Variants in SCRG1 observed in about 807,000 individuals in gnomAD.
SCRG1 encodes the protein stimulator of chondrogenesis 1.
Under a neutral mutation model 7.7 loss-of-function variants are expected in SCRG1, and 3 were observed. The ratio of observed to expected loss-of-function variants is 0.39; its 90% CI spans 0.18 to 1.01. SCRG1 has a LOEUF of 1.01. SCRG1 is among the 50% of genes least tolerant of loss of function. The probability of loss-of-function intolerance (pLI) is 0.36; values close to 1 mark genes in which losing one functional copy is unlikely to be tolerated. For synonymous variants in SCRG1, 46 were observed against 41.2 expected (o/e 1.12, Z -0.44); for missense variants, 110 against 117.2 (o/e 0.94, Z 0.28).
the SCRG1 span, among the ~76,000 whole-genome samples, chr4:173,484,463 C>CATATAATATATAATATATATTATATGT: frequency 2.4e-4 from 3 of 12,602 alleles, 1 homozygote; most frequent in Non-Finnish European, 4.5e-4. Context: ...ATATTATATA[C>CATATAATATATAATATATATTATATGT]ATATAATATA....
the SCRG1 span, among the ~76,000 whole-genome samples, chr4:173,458,871 A>G: frequency 6.6e-6 from 1 of 152,190 alleles, no homozygotes; most frequent in South Asian, 2.1e-4. Context: ...CAAGAAACTC[A>G]CTTCACTTAT....
At chr4:173,508,810 G>T in the SCRG1 span, among the ~76,000 whole-genome samples, 2 of 152,208 alleles carry the variant, frequency 1.3e-5, no homozygotes, top group African/African-American at 4.8e-5. This position sits in a 1 kb window ranked among gnomAD's most constrained non-coding sequence, Gnocchi z 4.4. Flanking sequence ...GAGCCTGTGG[G>T]AGAAGCACTC....
the SCRG1 span, among the ~76,000 whole-genome samples, chr4:173,475,436 G>A: frequency 6.6e-6 from 1 of 152,224 alleles, no homozygotes; most frequent in Admixed American, 6.5e-5. Context: ...GAGCACCCCT[G>A]TTAAAACTTA....
At chr4:173,476,361 A>ATATATATATATATATATATATATATATAT in the SCRG1 span, among the ~76,000 whole-genome samples, 21 of 51,402 alleles carry the variant, frequency 4.1e-4, 1 homozygote, top group African/African-American at 9.6e-4. Context: ...GGGGAAAAAA[A>ATATATATATATATATATATATATATATAT]AAATATATAT....
the SCRG1 span, among the ~76,000 whole-genome samples, chr4:173,517,992 T>C: frequency 6.6e-6 from 1 of 152,366 alleles, no homozygotes; most frequent in Admixed American, 6.5e-5. Flanking sequence ...GGCTCTTTTG[T>C]AAGCTTAACA....
At chr4:173,408,991 CAAAAAAAA>C (rs991902394), upstream of SCRG1, among the ~76,000 whole-genome samples, 15 of 51,264 alleles carry the variant, frequency 2.9e-4, no homozygotes, top group Non-Finnish European at 6.7e-4. Context: ...GACTCAGTCT[CAAAAAAAA>C]AAAAAAAAAA....
Position 173,384,914 on chromosome 4 carries a change from C to G in SCRG1, c.*3427G>C, listed in dbSNP as rs552942374. 204 of 152,196 alleles carry G rather than the reference C, an allele frequency of 1.3e-3. No individual in the cohort carries two copies. The highest frequency in any genetic ancestry group is 4.6e-3 in the African/African-American group (190 of 41,534). The allele number at this position is 152,196 out of a possible 1,614,324, so 9.4% of individuals were successfully genotyped here. On this transcript the variant is annotated 3_prime_UTR_variant, in exon 3 of 3. Coordinates refer to ENST00000296506, the MANE Select transcript of SCRG1 (RefSeq NM_007281.4). Reference sequence around the variant, plus strand: ...TGTGTCCTATCCATGTAAAAGTTTGCCTTTCTGTAAAGGAAATAATGCATT... The same window carrying G: ...TGTGTCCTATCCATGTAAAAGTTTGGCTTTCTGTAAAGGAAATAATGCATT...
At chr4:173,392,851 G>A (rs1221344638) in intron 1 of SCRG1, among the ~76,000 whole-genome samples, 1 of 152,210 alleles carries the variant, frequency 6.6e-6, no homozygotes, top group Non-Finnish European at 1.5e-5. Context: ...AGCACTTTGG[G>A]AGGCCAAACC....
chr4:173,395,702 C>A (rs1739585483), intron 1 of SCRG1, among the ~76,000 whole-genome samples: 1 of 152,200 alleles, frequency 6.6e-6, no homozygotes, highest in Non-Finnish European at 1.5e-5. Context: ...CCTACAAGAA[C>A]TGTGAATTTG....
chr4:173,502,675 A>G, the SCRG1 span, among the ~76,000 whole-genome samples: 2 of 152,182 alleles, frequency 1.3e-5, no homozygotes, highest in Non-Finnish European at 2.9e-5. The surrounding 1 kb of genome is among the most constrained non-coding windows in gnomAD (Gnocchi z 4.6). Flanking sequence ...TTGCATCCCC[A>G]GCTTTCACCT....
chr4:173,487,050 G>GA, the SCRG1 span, among the ~76,000 whole-genome samples: 1 of 152,008 alleles, frequency 6.6e-6, no homozygotes, highest in African/African-American at 2.4e-5. Flanking sequence ...AGCTTAAAAA[G>GA]AAAAAAAGTC....
intron 2 of SCRG1, among the ~76,000 whole-genome samples, chr4:173,388,734 A>G (rs191242970): frequency 1.3e-5 from 2 of 152,340 alleles, no homozygotes; most frequent in Admixed American, 1.3e-4. Flanking sequence ...TGCAGTTAGG[A>G]AACAGAAGAT....
At chr4:173,515,140 A>G in the SCRG1 span, among the ~76,000 whole-genome samples, 2 of 152,182 alleles carry the variant, frequency 1.3e-5, no homozygotes, top group African/African-American at 4.8e-5. The surrounding 1 kb of genome is among the most constrained non-coding windows in gnomAD (Gnocchi z 4.6). Context: ...CAGGAAGGAA[A>G]TGGAAGGGAG....
chr4:173,399,135 T>A (rs1739683777), upstream of SCRG1: 1 of 152,166 alleles, frequency 6.6e-6, no homozygotes, highest in South Asian at 2.1e-4. Context: ...CTGGGTGAGT[T>A]TGGGCAAAAG....
Position 173,388,358 on chromosome 4 carries a change from G to C in SCRG1, c.280C>G (p.Pro94Ala). Residue 94 changes from proline to alanine, a missense_variant, in exon 3 of 3, where the codon CCT becomes GCT. Pro to Ala is a conservative substitution (Grantham distance 27). Coordinates refer to ENST00000296506, the MANE Select transcript of SCRG1 (RefSeq NM_007281.4). ...FFGPKISFVI[P>A]CNNQ Reference sequence around the variant, plus strand: ...GAAGATTCTCATTGATTGTTGCAAGGAATCACGAAAGAGATCTTTGGTCCA... The same window carrying C: ...GAAGATTCTCATTGATTGTTGCAAGCAATCACGAAAGAGATCTTTGGTCCA... The C allele has an allele frequency of 6.2e-7, 1 of 1,611,856 alleles. No individual in the cohort carries two copies. Among genetic ancestry groups the C allele is most frequent in the Non-Finnish European group, 8.5e-7 (1 of 1,178,788 alleles).
chr4:173,394,667 GTC>G (rs2126917250), intron 1 of SCRG1, among the ~76,000 whole-genome samples: 1 of 151,944 alleles, frequency 6.6e-6, no homozygotes, highest in South Asian at 2.1e-4. Context: ...ATAATTATAA[GTC>G]TGTTTTGAGG....
the SCRG1 span, among the ~76,000 whole-genome samples, chr4:173,511,422 T>C: frequency 6.6e-6 from 1 of 152,132 alleles, no homozygotes; most frequent in Non-Finnish European, 1.5e-5. This position sits in a 1 kb window ranked among gnomAD's most constrained non-coding sequence, Gnocchi z 5.2. Context: ...CTCTATACCG[T>C]TTTTTGTTTG....
the SCRG1 span, among the ~76,000 whole-genome samples, chr4:173,422,983 T>C: frequency 6.6e-6 from 1 of 152,140 alleles, no homozygotes; most frequent in Non-Finnish European, 1.5e-5. Context: ...TCTCCAAGGA[T>C]TATGTTTTCT....
At chr4:173,428,014 C>T in the SCRG1 span, among the ~76,000 whole-genome samples, 18 of 152,162 alleles carry the variant, frequency 1.2e-4, no homozygotes, top group Non-Finnish European at 2.4e-4. Context: ...GTGTAAATAT[C>T]AGAAAATGTT....
Sources: gnomAD v4.1 joint callset for allele counts (sites outside exome capture counted in the v4.1 genomes callset) on GRCh38, gnomAD v4.1.1 for gene constraint, Gnocchi (gnomAD v3.1) non-coding constraint, MANE v1.5 for transcripts, NCBI Gene and HGNC (gene_info 2026-07-23, HGNC 2026-07-21) for gene names.